The following DHRS4L2 variants were observed in gnomAD, a reference collection of about 807,000 sequenced individuals.
DHRS4L2 encodes dehydrogenase/reductase SDR family member 4-like 2.
DHRS4L2 carries 22 observed loss-of-function variants against 23.9 expected under a neutral mutation model. The observed-to-expected ratio is 0.92, with a 90% CI of 0.66 to 1.31. The LOEUF (loss-of-function observed/expected upper bound fraction) is 1.31. DHRS4L2 is among the 40% of genes most tolerant of loss of function. DHRS4L2 has a pLI of 0.00. For synonymous variants in DHRS4L2, 141 were observed against 123.7 expected (o/e 1.14, Z -0.93); for missense variants, 385 against 303.3 (o/e 1.27, Z -2.00).
chr14:23,974,838 T>C (rs1308050602), intron 1 of DHRS4L2, among the ~76,000 whole-genome samples: 4 of 151,940 alleles, frequency 2.6e-5, no homozygotes, highest in Admixed American at 1.3e-4. Context: ...GAGCTGGTAC[T>C]ATTCCTTCTG....
chr14:23,982,443 T>C (rs2034071484), intron 1 of DHRS4L2, among the ~76,000 whole-genome samples: 1 of 151,596 alleles, frequency 6.6e-6, no homozygotes, highest in Non-Finnish European at 1.5e-5. Flanking sequence ...GTCTTCCTTT[T>C]CTACATAGAC....
intron 1 of DHRS4L2, among the ~76,000 whole-genome samples, chr14:23,972,478 C>T (rs1198498290): frequency 6.6e-6 from 1 of 151,860 alleles, no homozygotes; most frequent in Non-Finnish European, 1.5e-5. Context: ...GCAGTGTGGA[C>T]CCAAAGAGTG....
Position 23,982,657 on chromosome 14 carries a change from A to G in DHRS4L2, c.-175-7525A>G, listed in dbSNP as rs367801795. Among the ~76,000 whole-genome samples the G allele has an allele frequency of 9.9e-5, 15 of 151,678 alleles. No homozygotes were observed. In the East Asian group the frequency reaches 2.7e-3, roughly 27 times the overall value. Reference sequence around the variant, plus strand: ...GCTGCATAAATAACACCACACACCTACAACCATCAGATTTTTGACAAACCT... The same window carrying G: ...GCTGCATAAATAACACCACACACCTGCAACCATCAGATTTTTGACAAACCT... On this transcript the variant is annotated intron_variant, in intron 1 of 5. Coordinates refer to the DHRS4L2 transcript ENST00000534993.
In DHRS4L2 at chr14:23,982,004, G is replaced by A. The variant is rs139736381; in HGVS notation, c.-175-8178G>A. Among the ~76,000 whole-genome samples, 186 of 151,670 alleles carry A rather than the reference G, an allele frequency of 1.2e-3. 4 individuals carry two copies. Among genetic ancestry groups the A allele is most frequent in the African/African-American group, 4.3e-3 (179 of 41,364 alleles). On this transcript the variant is annotated intron_variant, in intron 1 of 5. Coordinates refer to the DHRS4L2 transcript ENST00000534993. ...TTCCCAGGGGCAGGCAGGAGACAGT[G>A]GCCTTCCTCTATCTCAACTGCAAGA...
chr14:23,981,246 G>C (rs1357292247), intron 1 of DHRS4L2, among the ~76,000 whole-genome samples: 1 of 151,498 alleles, frequency 6.6e-6, no homozygotes, highest in East Asian at 1.9e-4. Flanking sequence ...CAATTTACAA[G>C]GGATGTGAAG....
chr14:23,971,474 T>G (rs1479565358), intron 1 of DHRS4L2, among the ~76,000 whole-genome samples: 1 of 151,706 alleles, frequency 6.6e-6, no homozygotes, highest in African/African-American at 2.4e-5. Context: ...AAAAGAAACA[T>G]TCAAATTCAG....
rs148947342 is a variant in DHRS4L2, at chr14:23,971,267, C to T, written c.-176+935C>T. On this transcript the variant is annotated intron_variant, in intron 1 of 5. Transcript: ENST00000534993. Reference sequence around the variant, plus strand: ...TAAAAACCTTCAAAAAAAGGTTAAACGAATGGCTAACTAGAATGAAGAATG... The same window carrying T: ...TAAAAACCTTCAAAAAAAGGTTAAATGAATGGCTAACTAGAATGAAGAATG... Among the ~76,000 whole-genome samples, 275 of 152,044 alleles carry T rather than the reference C, an allele frequency of 1.8e-3. 3 individuals are homozygous for T. The highest frequency in any genetic ancestry group is 2.8e-3 in the Non-Finnish European group (188 of 67,986).
intron 3 of DHRS4L2, among the ~76,000 whole-genome samples, chr14:23,996,781 C>G (rs1307154046): frequency 6.6e-6 from 1 of 151,396 alleles, no homozygotes; most frequent in South Asian, 2.1e-4. Context: ...CCTGGGACTA[C>G]AGGCATGTGC....
At chr14:23,985,529 T>C (rs2034124329), upstream of DHRS4L2, among the ~76,000 whole-genome samples, 1 of 151,522 alleles carries the variant, frequency 6.6e-6, no homozygotes, top group South Asian at 2.1e-4. Flanking sequence ...AATTCTCTTC[T>C]GGACCGCAGG....
At chr14:23,982,877 T>A (rs1185546418) in intron 1 of DHRS4L2, among the ~76,000 whole-genome samples, 3 of 151,552 alleles carry the variant, frequency 2.0e-5, no homozygotes, top group Non-Finnish European at 4.4e-5. Context: ...TAAGTTGGGT[T>A]TAATTAAGAT....
At chr14:23,989,201 A>C in intron 1 of DHRS4L2, 126 bp downstream of exon 1, 1 of 1,470,806 alleles carries the variant, frequency 6.8e-7, no homozygotes, top group African/African-American at 1.4e-5. Flanking sequence ...CCATGGAAAA[A>C]AAGTAGCCAC....
intron 1 of DHRS4L2, among the ~76,000 whole-genome samples, chr14:23,975,923 C>G (rs536989881): frequency 8.8e-4 from 134 of 151,604 alleles, no homozygotes; most frequent in Middle Eastern, 3.4e-3. Flanking sequence ...GCTGAAACTG[C>G]ATGCGTTCCT....
intron 2 of DHRS4L2, among the ~76,000 whole-genome samples, chr14:23,992,699 T>C (rs1216163290): frequency 1.3e-5 from 2 of 151,360 alleles, no homozygotes; most frequent in Non-Finnish European, 2.9e-5. Context: ...TTTTATTTTT[T>C]TCCAGAGACA....
At position 24,001,223 on chromosome 14, in the gene DHRS4L2, C is replaced by T. The variant is rs1051536278; in HGVS notation, c.531+139C>T. 4.9e-5 allele frequency: 77 copies of T among 1,579,834 alleles called. No individual in the cohort carries two copies. The East Asian group carries it at 1.3e-3, about 27-fold the overall frequency. ...TGCCCACAAAATAGATGCCTTGCCT[C>T]CACAAACCATAACCTAGGGGAGGTT... On this transcript the variant is annotated intron_variant, in intron 5 of 7. Transcript: ENST00000335125.
At chr14:23,981,230 GGAATCC>G (rs1233891655) in intron 1 of DHRS4L2, among the ~76,000 whole-genome samples, 1 of 151,426 alleles carries the variant, frequency 6.6e-6, no homozygotes, top group Non-Finnish European at 1.5e-5. Flanking sequence ...AAAATACCTA[GGAATCC>G]AATTTACAAG....
At chr14:23,993,186 T>G (rs2034303564) in intron 2 of DHRS4L2, among the ~76,000 whole-genome samples, 1 of 151,598 alleles carries the variant, frequency 6.6e-6, no homozygotes, top group Admixed American at 6.6e-5. Context: ...TAACTTACTC[T>G]GCACCTCCCT....
At chr14:24,001,861 T>C (rs2034495594) in intron 6 of DHRS4L2, among the ~76,000 whole-genome samples, 1 of 100,146 alleles carries the variant, frequency 1.0e-5, no homozygotes, top group African/African-American at 7.0e-5. Flanking sequence ...TAGAAAAAAA[T>C]AGGAAGTGAA....
Position 24,000,792 on chromosome 14 carries a change from ACTC to A in DHRS4L2, c.409-67_409-65del, listed in dbSNP as rs1344658964. 2.9e-6 allele frequency: 4 copies of A among 1,364,342 alleles called. No individual in the cohort carries two copies. In the African/African-American group the frequency reaches 4.5e-5, roughly 15 times the overall value. 84.5% of individuals were successfully genotyped at this position (1,364,342 alleles called of 1,614,324 possible). ...ACAAACATCCTAGGAACCCACTCTA[ACTC>A]CTCATTTTTTCATGCCTCCTCCAGT... is the stretch of plus-strand genomic sequence containing the variant. On this transcript the variant is annotated intron_variant, in intron 3 of 7. Transcript: ENST00000335125.
Position 23,996,883 on chromosome 14 carries a change from C to G in DHRS4L2, c.408+1750C>G, listed in dbSNP as rs538842918. ...TTCCTGGCCTCAACTGATCCCCACA[C>G]CTCAGCCCCCCAAAATATTGGGATT... On this transcript the variant is annotated intron_variant, in intron 3 of 7. Coordinates refer to ENST00000335125, the MANE Select transcript of DHRS4L2 (RefSeq NM_198083.4). 1.2e-4 allele frequency among the ~76,000 whole-genome samples: 19 copies of G among 152,124 alleles called. No homozygotes were observed. In the East Asian group the frequency reaches 3.3e-3, roughly 26 times the overall value.
Sources: gnomAD v4.1 joint callset for allele counts (sites outside exome capture counted in the v4.1 genomes callset) on GRCh38, gnomAD v4.1.1 for gene constraint, MANE v1.5 for transcripts, NCBI Gene and HGNC (gene_info 2026-07-23, HGNC 2026-07-21) for gene names.